The following GALC variants were observed in gnomAD, a reference collection of about 807,000 sequenced individuals.
The protein encoded by GALC is galactosylceramidase.
In GALC, 77 loss-of-function variants were observed where a neutral mutation model predicts 91.8. The ratio of observed to expected loss-of-function variants is 0.84; its 90% CI spans 0.70 to 1.01. The LOEUF is 1.01. Among genes scored for constraint, GALC ranks in the 50% least tolerant of loss-of-function variants. GALC has a pLI of 0.00. For missense variants in GALC, 882 were observed against 855.9 expected (o/e 1.03, Z -0.38); for synonymous variants, 357 against 306.7 (o/e 1.16, Z -1.71).
chr14:87,952,891 A>G, intron 10 of GALC: 1 of 972,400 alleles, frequency 1.0e-6, no homozygotes, highest in Non-Finnish European at 1.6e-6. Context: ...CATTTAACTG[A>G]AAAGTATCAA....
chr14:87,937,156 C>T (rs1884608983), intron 16 of GALC, among the ~76,000 whole-genome samples: 1 of 151,538 alleles, frequency 6.6e-6, no homozygotes, highest in South Asian at 2.1e-4. Context: ...GGAATATGGG[C>T]AACATAGAAG....
At chr14:87,972,788 C>T (rs905825002) in intron 7 of GALC, among the ~76,000 whole-genome samples, 1 of 151,726 alleles carries the variant, frequency 6.6e-6, no homozygotes, top group African/African-American at 2.4e-5. Context: ...CAGAGAAATA[C>T]AAAATAAAGG....
intron 14 of GALC, 25 bp from the exon 15 acceptor site, chr14:87,941,583 T>C (rs1884857344): frequency 2.1e-6 from 3 of 1,445,160 alleles, no homozygotes; most frequent in Admixed American, 1.7e-5. Context: ...GGTTGATTAG[T>C]ACTCTTTAAA....
Position 87,962,578 on chromosome 14 carries a change from T to TACAC in GALC, c.1161+802_1161+805dup, listed in dbSNP as rs36205603. ...GGCTGACATTCAGAACCTGATATGA[T>TACAC]ACACACACACACACACACACACACA... is the stretch of plus-strand genomic sequence containing the variant. On this transcript the variant is annotated intron_variant, in intron 10 of 16. Coordinates refer to ENST00000261304, the MANE Select transcript of GALC (RefSeq NM_000153.4). 2.5e-3 allele frequency among the ~76,000 whole-genome samples: 367 copies of TACAC among 146,530 alleles called. 3 individuals carry two copies. Among genetic ancestry groups the TACAC allele is most frequent in the African/African-American group, 8.5e-3 (341 of 39,904 alleles).
intron 14 of GALC, among the ~76,000 whole-genome samples, chr14:87,941,837 A>G (rs1237349339): frequency 6.6e-6 from 1 of 152,004 alleles, no homozygotes; most frequent in Admixed American, 6.6e-5. Context: ...TTCTACAATA[A>G]AACAACTTCT....
intron 10 of GALC, among the ~76,000 whole-genome samples, chr14:87,958,840 C>T (rs1885673057): frequency 6.6e-6 from 1 of 151,908 alleles, no homozygotes; most frequent in Non-Finnish European, 1.5e-5. Flanking sequence ...TATACACAGT[C>T]AACTCAAAAT....
chr14:87,975,967 A>G (rs1159770240), intron 7 of GALC, among the ~76,000 whole-genome samples: 1 of 152,246 alleles, frequency 6.6e-6, no homozygotes, highest in Non-Finnish European at 1.5e-5. Context: ...CAGTGATCAC[A>G]ATGAACCATT....
chr14:87,983,240 G>A (rs532697670), intron 5 of GALC, among the ~76,000 whole-genome samples: 34 of 152,140 alleles, frequency 2.2e-4, no homozygotes, highest in African/African-American at 8.2e-4. Flanking sequence ...CTTGAGGCAG[G>A]AGAATCACTT....
At chr14:87,942,905 A>G (rs896188698) in intron 14 of GALC, among the ~76,000 whole-genome samples, 1 of 151,976 alleles carries the variant, frequency 6.6e-6, no homozygotes, top group Non-Finnish European at 1.5e-5. Context: ...ATAGATTATC[A>G]CCAGCATGAA....
At chr14:87,944,207 G>C (rs1347674905) in intron 14 of GALC, among the ~76,000 whole-genome samples, 2 of 151,892 alleles carry the variant, frequency 1.3e-5, no homozygotes, top group South Asian at 4.1e-4. Context: ...TAAATCTTTG[G>C]ATGGTGCTAT....
At chr14:87,992,164 G>T in intron 1 of GALC, 1 of 890,550 alleles carries the variant, frequency 1.1e-6, no homozygotes, top group East Asian at 2.6e-5. Context: ...AGGCATTCAA[G>T]CTTGTTCTGA....
chr14:87,991,960 AAAG>A (rs758646788), intron 1 of GALC, among the ~76,000 whole-genome samples: 1 of 152,256 alleles, frequency 6.6e-6, no homozygotes, highest in Non-Finnish European at 1.5e-5. Context: ...TAGTAGTAGC[AAAG>A]AATAAATGCA....
chr14:87,959,327 G>A (rs551954998), intron 10 of GALC, among the ~76,000 whole-genome samples: 2 of 152,166 alleles, frequency 1.3e-5, no homozygotes, highest in South Asian at 2.1e-4. Context: ...GAAAACAAGT[G>A]TTGGTGAGGA....
intron 10 of GALC, chr14:87,953,369 T>C (rs1885389699): frequency 3.5e-6 from 5 of 1,422,790 alleles, no homozygotes; most frequent in South Asian, 3.5e-5. Flanking sequence ...TCCATTCAAC[T>C]TGATGATTTT....
intron 10 of GALC, among the ~76,000 whole-genome samples, chr14:87,962,578 T>TAC (rs36205603): frequency 1.5e-3 from 219 of 146,532 alleles, no homozygotes; most frequent in Middle Eastern, 6.9e-3. Flanking sequence ...CCTGATATGA[T>TAC]ACACACACAC....
At chr14:87,954,637 C>T (rs1210436894) in intron 10 of GALC, 10 of 1,581,172 alleles carry the variant, frequency 6.3e-6, no homozygotes, top group African/African-American at 2.7e-5. Flanking sequence ...TAGCAACCCA[C>T]CTAGAGGATA....
At chr14:87,941,329 A>T (rs771864129) in intron 15 of GALC, 66 bp downstream of exon 15, 174 of 1,009,346 alleles carry the variant, frequency 1.7e-4, no homozygotes, top group Non-Finnish European at 2.6e-4. Context: ...CACAAATAAC[A>T]AGTAGGTGCT....
At chr14:87,975,841 C>G (rs1047485091) in intron 7 of GALC, among the ~76,000 whole-genome samples, 2 of 151,964 alleles carry the variant, frequency 1.3e-5, no homozygotes, top group African/African-American at 2.4e-5. Context: ...TGTAAATTCA[C>G]TTTTTAAAAA....
At chr14:87,937,473 G>A (rs74074639) in intron 16 of GALC, among the ~76,000 whole-genome samples, 2,546 of 152,014 alleles carry the variant, frequency 0.017, 71 homozygotes, top group African/African-American at 0.058. Flanking sequence ...AATGCCCATA[G>A]TTGATGAAAC....
Sources: gnomAD v4.1 joint callset for allele counts (sites outside exome capture counted in the v4.1 genomes callset) on GRCh38, gnomAD v4.1.1 for gene constraint, MANE v1.5 for transcripts, NCBI Gene and HGNC (gene_info 2026-07-23, HGNC 2026-07-21) for gene names.